TXNRD1: variants seen among roughly 807,000 people sequenced by gnomAD.
TXNRD1 encodes the protein thioredoxin reductase 1, cytoplasmic.
In TXNRD1, 57 loss-of-function variants were observed where a neutral mutation model predicts 80.3. That is an observed-to-expected ratio of 0.71 (90% CI 0.57 to 0.89). The LOEUF (loss-of-function observed/expected upper bound fraction) is 0.89, where lower values mean the gene tolerates loss of function less well. Ranked by LOEUF, TXNRD1 falls within the 40% of genes least tolerant of loss-of-function variation. The pLI is 0.00. For synonymous variants in TXNRD1, 291 were observed against 285.2 expected (o/e 1.02, Z -0.20); for missense variants, 730 against 803.0 (o/e 0.91, Z 1.10).
chr12:104,259,590 C>T (rs1032025089), intron 3 of TXNRD1, among the ~76,000 whole-genome samples: 3 of 149,206 alleles, frequency 2.0e-5, no homozygotes, highest in Non-Finnish European at 4.4e-5. Flanking sequence ...CTCCCAGGTT[C>T]AAGCAATTCT....
chr12:104,340,413 G>A (rs1440864291), intron 16 of TXNRD1, among the ~76,000 whole-genome samples: 1 of 152,160 alleles, frequency 6.6e-6, no homozygotes, highest in Non-Finnish European at 1.5e-5. Flanking sequence ...TTGTAACAAA[G>A]TACCACAAAC....
intron 2 of TXNRD1, among the ~76,000 whole-genome samples, 184 bp from the exon 3 acceptor site, chr12:104,257,835 A>G (rs1246931925): frequency 6.6e-6 from 1 of 152,260 alleles, no homozygotes; most frequent in Non-Finnish European, 1.5e-5. Context: ...AACAGACTTC[A>G]GATACTCTTG....
At chr12:104,305,091 T>A in intron 4 of TXNRD1, 1 of 798,532 alleles carries the variant, frequency 1.3e-6, no homozygotes, top group Non-Finnish European at 1.8e-6. Context: ...TTTTTCTTAG[T>A]AATTTATAAG....
At position 104,350,144 on chromosome 12, in the gene TXNRD1, A is replaced by G. The variant is rs1012038207; in HGVS notation, c.*1723A>G. ...GTTCTATCCCCACAAGAAGGATTAT[A>G]TCTTATAGACTTGTCTTGTTCAGAT... is the stretch of plus-strand genomic sequence containing the variant. On this transcript the variant is annotated 3_prime_UTR_variant, in exon 17 of 17. Transcript: ENST00000525566. 4.6e-5 allele frequency: 7 copies of G among 152,210 alleles called. No homozygotes were observed. The highest frequency in any genetic ancestry group is 1.7e-4 in the African/African-American group (7 of 41,436). 9.4% of individuals were successfully genotyped at this position (152,210 alleles called of 1,614,324 possible).
In TXNRD1 at chr12:104,215,918, T is replaced by C. The variant is rs1251863390; in HGVS notation, c.91+25T>C. On this transcript the variant is annotated intron_variant, in intron 1 of 16. Coordinates refer to ENST00000525566, the MANE Select transcript of TXNRD1 (RefSeq NM_001093771.3). ...GGTACGACCGAGGGCGAAGGCCTGG[T>C]CCCCAGGTCGACGGGCCGAAGCGGG... 4 of 1,538,688 alleles carry C rather than the reference T, an allele frequency of 2.6e-6. No individual in the cohort carries two copies. In the East Asian group the frequency reaches 7.4e-5, roughly 28 times the overall value.
intron 4 of TXNRD1, among the ~76,000 whole-genome samples, chr12:104,310,729 A>T (rs1053909741): frequency 1.3e-5 from 2 of 152,228 alleles, no homozygotes; most frequent in Non-Finnish European, 2.9e-5. Context: ...ATGCATATGC[A>T]AATTAAAGGA....
In TXNRD1 at chr12:104,258,099, G is replaced by A. The variant is rs374605960; in HGVS notation, c.304+20G>A. The A allele has an allele frequency of 2.7e-6, 4 of 1,486,978 alleles. No homozygotes were observed. Among genetic ancestry groups the A allele is most frequent in the Admixed American group, 2.0e-5 (1 of 49,820 alleles). 92.1% of individuals were successfully genotyped at this position (1,486,978 alleles called of 1,614,324 possible). On this transcript the variant is annotated intron_variant, in intron 3 of 16. Coordinates refer to ENST00000525566, the MANE Select transcript of TXNRD1 (RefSeq NM_001093771.3). ...AAACAGGTAAGTTTCTGTTTAATAT[G>A]TAAATCATAGCTGCTGACTGTACAT...
At chr12:104,304,222 T>C in intron 4 of TXNRD1, 1 of 1,614,086 alleles carries the variant, frequency 6.2e-7, no homozygotes, top group Non-Finnish European at 8.5e-7. Context: ...TTGTTATGGC[T>C]TCTGATTTGG....
intron 4 of TXNRD1, chr12:104,305,073 G>A: frequency 1.1e-6 from 1 of 911,502 alleles, no homozygotes; most frequent in Non-Finnish European, 1.6e-6. Flanking sequence ...GTTTTACTGT[G>A]CAGCATATTT....
At chr12:104,252,316 A>G (rs890233210) in intron 2 of TXNRD1, among the ~76,000 whole-genome samples, 12 of 152,000 alleles carry the variant, frequency 7.9e-5, no homozygotes, top group African/African-American at 2.9e-4. Context: ...GTACTACCAA[A>G]TTTTGATAAA....
chr12:104,274,667 C>G (rs7294701), intron 3 of TXNRD1, among the ~76,000 whole-genome samples: 23,910 of 151,054 alleles, frequency 0.16, 1,981 homozygotes, highest in Middle Eastern at 0.23. Flanking sequence ...CCACTGCACT[C>G]CAGCCTGGGT....
At chr12:104,260,072 G>A (rs1054747315) in intron 3 of TXNRD1, among the ~76,000 whole-genome samples, 9 of 152,196 alleles carry the variant, frequency 5.9e-5, no homozygotes, top group African/African-American at 2.4e-5. Flanking sequence ...AGTGGCTCAC[G>A]CCTGTAATCC....
intron 3 of TXNRD1, among the ~76,000 whole-genome samples, chr12:104,278,754 G>C (rs35963449): frequency 0.21 from 32,163 of 151,878 alleles, 4,263 homozygotes; most frequent in Non-Finnish European, 0.3. Context: ...GCCCGCCTCG[G>C]CCTCCCAAAG....
intron 4 of TXNRD1, among the ~76,000 whole-genome samples, chr12:104,290,678 G>A (rs2034150936): frequency 7.5e-6 from 1 of 132,928 alleles, no homozygotes; most frequent in Admixed American, 8.2e-5. Context: ...TGGCCTAGGT[G>A]ACAGTGAGAC....
intron 4 of TXNRD1, among the ~76,000 whole-genome samples, chr12:104,298,189 AAGG>A (rs1170551103): frequency 9.9e-5 from 15 of 152,224 alleles, no homozygotes; most frequent in Non-Finnish European, 4.4e-5. Context: ...GCTGAAATCT[AAGG>A]AGCTATTCCT....
rs143122999 is a variant in TXNRD1 at position 104,319,641 on chromosome 12, A to G, written c.989+56A>G. ...AACCCATTGTGGATATTGCTTTCGC[A>G]TTTTTCTTCAAACCCACTGCGTCAA... On this transcript the variant is annotated intron_variant, in intron 9 of 16. Coordinates refer to ENST00000525566, the MANE Select transcript of TXNRD1 (RefSeq NM_001093771.3). 8,391 of 1,310,902 alleles carry G rather than the reference A, an allele frequency of 6.4e-3. 29 individuals carry two copies. The highest frequency in any genetic ancestry group is 8.3e-3 in the Non-Finnish European group (7,778 of 939,156). 81.2% of individuals were successfully genotyped at this position (1,310,902 alleles called of 1,614,324 possible).
chr12:104,245,756 G>A (rs142640528), intron 1 of TXNRD1, among the ~76,000 whole-genome samples: 171 of 151,992 alleles, frequency 1.1e-3, no homozygotes, highest in Non-Finnish European at 2.1e-3. Context: ...CAGCCCTGTG[G>A]ACTCACTTCA....
chr12:104,229,255 C>T (rs1377628302), intron 1 of TXNRD1, among the ~76,000 whole-genome samples: 2 of 150,546 alleles, frequency 1.3e-5, no homozygotes, highest in African/African-American at 2.5e-5. Context: ...TCAAGCAATC[C>T]TCCCACCTCA....
At chr12:104,253,232 G>A (rs1261303035) in intron 2 of TXNRD1, among the ~76,000 whole-genome samples, 2 of 152,126 alleles carry the variant, frequency 1.3e-5, no homozygotes, top group Non-Finnish European at 2.9e-5. Context: ...AGGAAGGTGG[G>A]CGGCAAAAAC....
Sources: gnomAD v4.1 joint callset for allele counts (sites outside exome capture counted in the v4.1 genomes callset) on GRCh38, gnomAD v4.1.1 for gene constraint, MANE v1.5 for transcripts, NCBI Gene and HGNC (gene_info 2026-07-23, HGNC 2026-07-21) for gene names.